The following KDM3A variants were observed in gnomAD, a reference collection of about 807,000 sequenced individuals.
KDM3A encodes the protein lysine demethylase 3A.
Under a neutral mutation model 158.0 loss-of-function variants are expected in KDM3A, and 60 were observed. That is an observed-to-expected ratio of 0.38 (90% CI 0.31 to 0.47). KDM3A has a LOEUF of 0.47. KDM3A is among the 20% of genes least tolerant of loss of function. The pLI is 0.99. For synonymous variants in KDM3A, 608 were observed against 549.3 expected, an observed-to-expected ratio of 1.11 and a Z score of -1.49; for missense variants, 1,319 against 1,574.3, an observed-to-expected ratio of 0.84 and a Z score of 2.74.
intron 10 of KDM3A, among the ~76,000 whole-genome samples, chr2:86,469,582 A>G (rs1673310576): frequency 1.3e-5 from 2 of 152,180 alleles, no homozygotes; most frequent in South Asian, 4.1e-4. Context: ...ACTTAGAATG[A>G]TAATCCTGTC....
upstream of KDM3A, among the ~76,000 whole-genome samples, chr2:86,438,123 C>T (rs1682520665): frequency 6.6e-6 from 1 of 151,906 alleles, no homozygotes; most frequent in Non-Finnish European, 1.5e-5. Context: ...GGTAGATATC[C>T]TTTATAGAGT....
intron 4 of KDM3A, among the ~76,000 whole-genome samples, chr2:86,453,063 T>C (rs866381779): frequency 6.6e-6 from 1 of 152,232 alleles, no homozygotes; most frequent in Non-Finnish European, 1.5e-5. Flanking sequence ...TTTCTGAATT[T>C]ACATCTTTCC....
chr2:86,466,251 T>C, intron 9 of KDM3A, 121 bp from the exon 10 acceptor site: 2 of 985,944 alleles, frequency 2.0e-6, no homozygotes, highest in African/African-American at 1.6e-5. Flanking sequence ...CTGTAACATA[T>C]GAGAAATTTT....
chr2:86,466,934 T>C lies in KDM3A; in HGVS notation c.1519+51T>C, dbSNP rs914126435. On this transcript the variant is annotated intron_variant, in intron 10 of 25. Transcript: ENST00000312912. The stretch of plus-strand genomic sequence containing the variant: ...GGTAGAAGGTAAGAAATGGTAGATA[T>C]ATATATCTCTTTCTTGTCCTATGAG... 3.7e-6 allele frequency: 5 copies of C among 1,356,926 alleles called. No individual in the cohort carries two copies. The South Asian group carries it at 4.2e-5, about 11-fold the overall frequency. 84.1% of individuals were successfully genotyped at this position (1,356,926 alleles called of 1,614,324 possible).
At chr2:86,462,566 A>G (rs1348370201) in intron 8 of KDM3A, among the ~76,000 whole-genome samples, 1 of 152,210 alleles carries the variant, frequency 6.6e-6, no homozygotes, top group Non-Finnish European at 1.5e-5. Flanking sequence ...TCTGGAGAAC[A>G]TTAAGGTACT....
At chr2:86,453,396 T>G (rs1639392292) in intron 4 of KDM3A, among the ~76,000 whole-genome samples, 2 of 152,158 alleles carry the variant, frequency 1.3e-5, no homozygotes, top group Admixed American at 1.3e-4. Flanking sequence ...CTCTAGATAA[T>G]GCACAGAGCA....
At chr2:86,480,384 G>T (rs1253631678) in intron 16 of KDM3A, 22 bp downstream of exon 16, 1 of 1,593,140 alleles carries the variant, frequency 6.3e-7, no homozygotes, top group Admixed American at 1.7e-5. Context: ...CTGCTTTTGT[G>T]TTTGTTCTTG....
At chr2:86,485,266 G>T (rs1453384596) in intron 20 of KDM3A, among the ~76,000 whole-genome samples, 2 of 152,280 alleles carry the variant, frequency 1.3e-5, no homozygotes, top group East Asian at 1.9e-4. Flanking sequence ...ATTTTCCATG[G>T]TAGGCCCTGC....
rs998527464 is a variant in KDM3A, at chr2:86,484,960, A to G, written c.3113A>G (p.Lys1038Arg). The change falls in exon 20 of 26, where the codon AAA (lysine) becomes AGA (arginine). Residue 1038 changes from lysine to arginine, a missense_variant. Physicochemically the swap from Lys to Arg is conservative, Grantham distance 26 (BLOSUM62 2). Transcript: ENST00000312912. ...CTTTCAGATCGTTTGAAAAATGAAA[A>G]AGAACCAATGGTGTTGAAACTTAAG... ...EDVPNRLKNEKEPMVLKLKDW... is the reference protein window; with the variant it reads ...EDVPNRLKNEREPMVLKLKDW... 3.7e-6 allele frequency: 6 copies of G among 1,606,474 alleles called. No homozygotes were observed. In the African/African-American group the frequency reaches 8.0e-5, roughly 21 times the overall value.
intron 4 of KDM3A, among the ~76,000 whole-genome samples, chr2:86,454,166 C>G (rs918556100): frequency 6.6e-6 from 1 of 152,176 alleles, no homozygotes; most frequent in African/African-American, 2.4e-5. Flanking sequence ...TTTTGTAATA[C>G]TAGTTAGGTT....
Position 86,441,998 on chromosome 2 carries a change from T to G in KDM3A, c.-30-20T>G. 2 of 1,597,002 alleles carry G rather than the reference T, an allele frequency of 1.3e-6. No individual in the cohort carries two copies. The highest frequency in any genetic ancestry group is 2.3e-5 in the East Asian group (1 of 44,262). ...TCCCACCGGCCGCCCCCGTCGCATT[T>G]TGTTTTTGTGTTTTTGCAGGGAGGA... On this transcript the variant is annotated intron_variant, in intron 1 of 25. Coordinates refer to ENST00000312912, the MANE Select transcript of KDM3A (RefSeq NM_018433.6).
intron 2 of KDM3A, among the ~76,000 whole-genome samples, chr2:86,448,828 T>A (rs1415730746): frequency 1.3e-5 from 2 of 152,196 alleles, no homozygotes; most frequent in African/African-American, 2.4e-5. Context: ...ATTTTTACAC[T>A]GAATATCGAG....
upstream of KDM3A, among the ~76,000 whole-genome samples, chr2:86,439,396 A>C (rs371285296): frequency 1.5e-3 from 233 of 152,174 alleles, 7 homozygotes; most frequent in South Asian, 0.047. Context: ...CTATGTTCCT[A>C]AGTATAATTG....
intron 16 of KDM3A, among the ~76,000 whole-genome samples, chr2:86,480,671 T>A (rs1302720245): frequency 6.6e-6 from 1 of 152,226 alleles, no homozygotes; most frequent in Non-Finnish European, 1.5e-5. Flanking sequence ...TGAAGGAATA[T>A]TTGAATGTTA....
intron 5 of KDM3A, among the ~76,000 whole-genome samples, chr2:86,456,019 G>C (rs545739620): frequency 6.6e-6 from 1 of 151,678 alleles, no homozygotes; most frequent in South Asian, 2.1e-4. Flanking sequence ...TTTTGATGTG[G>C]AATTTGATAT....
At chr2:86,465,157 G>A (rs1157334220) in intron 9 of KDM3A, among the ~76,000 whole-genome samples, 3 of 152,186 alleles carry the variant, frequency 2.0e-5, no homozygotes, top group African/African-American at 7.2e-5. Context: ...GCATTTTTCT[G>A]GAGAAAGAAC....
At chr2:86,466,982 T>G (rs1294354670) in intron 10 of KDM3A, 99 bp downstream of exon 10, 1 of 1,018,478 alleles carries the variant, frequency 9.8e-7, no homozygotes, top group Non-Finnish European at 1.4e-6. Context: ...AATGACTTTG[T>G]AGAAATAGTT....
intron 24 of KDM3A, 32 bp downstream of exon 24, chr2:86,491,089 T>G: frequency 6.2e-7 from 1 of 1,613,300 alleles, no homozygotes; most frequent in Non-Finnish European, 8.5e-7. Flanking sequence ...TTAATCTCTT[T>G]ATGTCATGAA....
chr2:86,451,692 A>G (rs1265438791), intron 4 of KDM3A, among the ~76,000 whole-genome samples: 1 of 152,094 alleles, frequency 6.6e-6, no homozygotes, highest in East Asian at 1.9e-4. Context: ...ATTGATGTTG[A>G]CTGCTCTAAT....
Sources: gnomAD v4.1 joint callset for allele counts (sites outside exome capture counted in the v4.1 genomes callset) on GRCh38, gnomAD v4.1.1 for gene constraint, MANE v1.5 for transcripts, NCBI Gene and HGNC (gene_info 2026-07-23, HGNC 2026-07-21) for gene names.